Variants in FAM120A observed in about 807,000 individuals in gnomAD.
FAM120A encodes constitutive coactivator of PPAR-gamma-like protein 1.
Under a neutral mutation model 109.7 loss-of-function variants are expected in FAM120A, and 15 were observed. That is an observed-to-expected ratio of 0.14 (90% confidence interval 0.09 to 0.21). The LOEUF (loss-of-function observed/expected upper bound fraction) is 0.21, where lower values mean the gene tolerates loss of function less well. FAM120A is among the 10% of genes least tolerant of loss of function. The pLI is 1.00. For missense variants in FAM120A, 899 were observed against 1,439.3 expected (o/e 0.62, Z 6.07); for synonymous variants, 493 against 572.8 (o/e 0.86, Z 1.99).
chr9:93,462,668 G>A (rs1002680074), intron 1 of FAM120A, among the ~76,000 whole-genome samples: 1 of 152,164 alleles, frequency 6.6e-6, no homozygotes, highest in Non-Finnish European at 1.5e-5. Context: ...AACTGGAACT[G>A]TGTACCCACT....
intron 12 of FAM120A, among the ~76,000 whole-genome samples, chr9:93,554,124 C>CACAG (rs1284635600): frequency 2.9e-5 from 3 of 103,548 alleles, no homozygotes; most frequent in African/African-American, 1.7e-4. Flanking sequence ...ATTTGATACA[C>CACAG]ACACACACAC....
chr9:93,454,158 G>A (rs756737965), intron 1 of FAM120A, among the ~76,000 whole-genome samples: 2 of 152,140 alleles, frequency 1.3e-5, no homozygotes, highest in Non-Finnish European at 2.9e-5. Context: ...ATTTAAGATC[G>A]TCTTTTTCAC....
chr9:93,536,563 T>C (rs1319716218), intron 10 of FAM120A, among the ~76,000 whole-genome samples: 2 of 152,258 alleles, frequency 1.3e-5, no homozygotes. Flanking sequence ...TTCTTAAAAA[T>C]ATTTAACTCT....
chr9:93,489,603 T>A (rs1330276898), intron 3 of FAM120A, among the ~76,000 whole-genome samples: 4 of 152,238 alleles, frequency 2.6e-5, no homozygotes, highest in Non-Finnish European at 5.9e-5. Flanking sequence ...TCAGTATACG[T>A]GCATAGCAGT....
chr9:93,490,351 A>T (rs1859259892), intron 3 of FAM120A, among the ~76,000 whole-genome samples: 1 of 152,232 alleles, frequency 6.6e-6, no homozygotes, highest in African/African-American at 2.4e-5. Context: ...TTTGTATGGT[A>T]TATTTAATTA....
chr9:93,525,282 C>T (rs1202804235), intron 7 of FAM120A, among the ~76,000 whole-genome samples: 4 of 148,754 alleles, frequency 2.7e-5, no homozygotes, highest in African/African-American at 7.5e-5. Context: ...GGCATGGTGC[C>T]TCGGCTCTCC....
chr9:93,555,556 A>G (rs1862259045), intron 12 of FAM120A, among the ~76,000 whole-genome samples: 1 of 152,230 alleles, frequency 6.6e-6, no homozygotes, highest in Non-Finnish European at 1.5e-5. Context: ...GAGCAGGGCT[A>G]AACTTTGATC....
chr9:93,489,932 T>C (rs560091416), intron 3 of FAM120A, among the ~76,000 whole-genome samples: 4 of 152,292 alleles, frequency 2.6e-5, no homozygotes, highest in African/African-American at 9.6e-5. Context: ...GGGACTACAC[T>C]TTGAGCTTTG....
At chr9:93,473,507 C>T (rs551699451) in intron 2 of FAM120A, among the ~76,000 whole-genome samples, 2 of 152,274 alleles carry the variant, frequency 1.3e-5, no homozygotes, top group East Asian at 1.9e-4. Flanking sequence ...GACAGGGTTT[C>T]ATCATGTTGG....
chr9:93,532,875 T>C lies in FAM120A; in HGVS notation c.1909+546T>C, dbSNP rs1046732513. Among the ~76,000 whole-genome samples, 5 of 152,202 alleles carry C rather than the reference T, an allele frequency of 3.3e-5. No individual in the cohort carries two copies. Among genetic ancestry groups the C allele is most frequent in the Non-Finnish European group, 7.4e-5 (5 of 68,026 alleles). The stretch of plus-strand genomic sequence containing the variant: ...TCGGAATCCTCTGAGACCTGTGCAC[T>C]TCCAGCTGATCAACTCTGGGAGTGG... On this transcript the variant is annotated intron_variant, in intron 10 of 17. Coordinates refer to ENST00000277165, the MANE Select transcript of FAM120A (RefSeq NM_014612.5). The surrounding 1 kb of genome is among the most constrained non-coding windows in gnomAD (Gnocchi z 4.3).
chr9:93,475,087 G>A (rs1858491096), intron 2 of FAM120A, among the ~76,000 whole-genome samples: 1 of 152,166 alleles, frequency 6.6e-6, no homozygotes, highest in South Asian at 2.1e-4. Context: ...AGGACCAGAA[G>A]TATTTTAGAG....
chr9:93,492,461 G>A (rs926995067), intron 3 of FAM120A, among the ~76,000 whole-genome samples: 9 of 152,166 alleles, frequency 5.9e-5, no homozygotes, highest in Non-Finnish European at 8.8e-5. Flanking sequence ...TGTGGCAGGG[G>A]TGGGGTTTGT....
chr9:93,454,222 C>T (rs535870901), intron 1 of FAM120A, among the ~76,000 whole-genome samples: 2 of 152,260 alleles, frequency 1.3e-5, no homozygotes, highest in Non-Finnish European at 2.9e-5. Context: ...TTTGCTTTTG[C>T]TAAGCTTTTA....
At chr9:93,539,173 AT>A (rs1861616948) in intron 10 of FAM120A, among the ~76,000 whole-genome samples, 1 of 151,884 alleles carries the variant, frequency 6.6e-6, no homozygotes, top group South Asian at 2.1e-4. Flanking sequence ...AATTTTTTGT[AT>A]TTTTAGTAGA....
intron 2 of FAM120A, among the ~76,000 whole-genome samples, chr9:93,472,081 G>A (rs962691020): frequency 2.6e-5 from 4 of 152,142 alleles, no homozygotes; most frequent in Non-Finnish European, 4.4e-5. Flanking sequence ...CCAACATGGT[G>A]AAACCCTGTA....
At chr9:93,553,026 AT>A in intron 12 of FAM120A, among the ~76,000 whole-genome samples, 1 of 152,348 alleles carries the variant, frequency 6.6e-6, no homozygotes, top group South Asian at 2.1e-4. Flanking sequence ...GTTACAATGA[AT>A]TTTTAAGAAT....
intron 5 of FAM120A, among the ~76,000 whole-genome samples, chr9:93,509,389 T>TGG (rs1323104172): frequency 6.6e-6 from 1 of 152,192 alleles, no homozygotes; most frequent in Non-Finnish European, 1.5e-5. Context: ...GAGCCGTAAG[T>TGG]GGGGCCCATT....
chr9:93,483,355 A>G (rs190072015), intron 3 of FAM120A, among the ~76,000 whole-genome samples: 14 of 152,186 alleles, frequency 9.2e-5, no homozygotes, highest in African/African-American at 3.1e-4. Flanking sequence ...AAAGGTAAGT[A>G]AATTTAAAAC....
chr9:93,521,171 A>G (rs977113883), intron 7 of FAM120A, among the ~76,000 whole-genome samples: 3 of 152,220 alleles, frequency 2.0e-5, no homozygotes, highest in African/African-American at 7.2e-5. Flanking sequence ...ATTGAAGGTG[A>G]ACCTGTTGGA....
Sources: gnomAD v4.1 joint callset for allele counts (sites outside exome capture counted in the v4.1 genomes callset) on GRCh38, gnomAD v4.1.1 for gene constraint, Gnocchi (gnomAD v3.1) non-coding constraint, MANE v1.5 for transcripts, NCBI Gene and HGNC (gene_info 2026-07-23, HGNC 2026-07-21) for gene names.